The following HS3ST4 variants were observed in gnomAD, a reference collection of about 807,000 sequenced individuals.
HS3ST4 encodes the protein heparan sulfate-glucosamine 3-sulfotransferase 4, also known as heparan sulfate glucosamine 3-O-sulfotransferase 4.
A neutral mutation model predicts 29.2 loss-of-function variants in HS3ST4; 17 were observed. The observed-to-expected ratio is 0.58, with a 90% CI of 0.40 to 0.87. The LOEUF is 0.87. Among genes scored for constraint, HS3ST4 ranks in the 40% least tolerant of loss-of-function variants. HS3ST4 has a pLI of 0.00. For missense variants in HS3ST4, 627 were observed against 634.5 expected, an observed-to-expected ratio of 0.99 and a Z score of 0.13; for synonymous variants, 314 against 285.7, an observed-to-expected ratio of 1.10 and a Z score of -1.00.
intron 1 of HS3ST4, among the ~76,000 whole-genome samples, chr16:26,085,879 A>G (rs1898780614): frequency 3.5e-5 from 1 of 28,968 alleles, no homozygotes; most frequent in African/African-American, 1.2e-4. Flanking sequence ...GTCTCTTAAA[A>G]TAATAATAAT....
intron 1 of HS3ST4, among the ~76,000 whole-genome samples, chr16:25,771,898 T>C (rs1340105680): frequency 1.3e-5 from 2 of 152,226 alleles, no homozygotes; most frequent in African/African-American, 2.4e-5. Flanking sequence ...TGGCTTCTTA[T>C]CTTTCTGTTC....
chr16:26,093,864 GA>G (rs1898889181), intron 1 of HS3ST4, among the ~76,000 whole-genome samples: 2 of 152,138 alleles, frequency 1.3e-5, no homozygotes, highest in East Asian at 3.9e-4. Flanking sequence ...TAAAAACCTT[GA>G]AAAAAGGTTA....
At chr16:25,790,647 A>C (rs1462289530) in intron 1 of HS3ST4, among the ~76,000 whole-genome samples, 1 of 152,112 alleles carries the variant, frequency 6.6e-6, no homozygotes, top group African/African-American at 2.4e-5. Context: ...GATAAGATTG[A>C]CCACTCTTTC....
chr16:26,114,431 A>G (rs1899175512), intron 1 of HS3ST4, among the ~76,000 whole-genome samples: 1 of 152,200 alleles, frequency 6.6e-6, no homozygotes, highest in African/African-American at 2.4e-5. Flanking sequence ...CCCTGCAAAG[A>G]CACGTTATAG....
chr16:25,699,789 T>C (rs563656873), intron 1 of HS3ST4, among the ~76,000 whole-genome samples: 6 of 152,326 alleles, frequency 3.9e-5, no homozygotes, highest in African/African-American at 1.4e-4. Context: ...GACAAATTAC[T>C]TAATATAGCT....
At chr16:26,117,691 C>G (rs757962230) in intron 1 of HS3ST4, among the ~76,000 whole-genome samples, 1 of 152,208 alleles carries the variant, frequency 6.6e-6, no homozygotes, top group Non-Finnish European at 1.5e-5. Context: ...AGCCCAAGCC[C>G]TGCTTAGCAC....
intron 1 of HS3ST4, among the ~76,000 whole-genome samples, chr16:25,717,815 G>A (rs1348243051): frequency 6.6e-6 from 1 of 152,104 alleles, no homozygotes; most frequent in East Asian, 1.9e-4. Context: ...TCTTTGAAAT[G>A]ATCATCCTAA....
rs147798399 is a variant in HS3ST4 at position 26,026,197 on chromosome 16, G to A, written c.735-109415G>A. On this transcript the variant is annotated intron_variant, in intron 1 of 1. Transcript: ENST00000331351. ...GCTGGGATTACAGGCGTGAGCCACC[G>A]CACCCGGCCGGAAACAACATCGTTT... 2.2e-3 allele frequency among the ~76,000 whole-genome samples: 333 copies of A among 152,264 alleles called. 1 individual carries two copies. The highest frequency in any genetic ancestry group is 3.9e-3 in the Non-Finnish European group (262 of 68,016).
At chr16:25,954,529 G>A (rs967991255) in intron 1 of HS3ST4, among the ~76,000 whole-genome samples, 2 of 152,092 alleles carry the variant, frequency 1.3e-5, no homozygotes, top group African/African-American at 4.8e-5. Flanking sequence ...AAAAGAAAAA[G>A]AAGCCAAGAT....
At chr16:25,817,323 G>C (rs1454646330) in intron 1 of HS3ST4, among the ~76,000 whole-genome samples, 2 of 152,180 alleles carry the variant, frequency 1.3e-5, no homozygotes, top group African/African-American at 2.4e-5. Flanking sequence ...AAGATTCTTG[G>C]ACAGACTAGT....
At chr16:25,874,125 A>T (rs534417607) in intron 1 of HS3ST4, among the ~76,000 whole-genome samples, 1 of 152,124 alleles carries the variant, frequency 6.6e-6, no homozygotes, top group African/African-American at 2.4e-5. Flanking sequence ...CACTAAGGGC[A>T]TATTGTCTAA....
At chr16:25,851,414 T>C (rs1967520746) in intron 1 of HS3ST4, among the ~76,000 whole-genome samples, 1 of 152,206 alleles carries the variant, frequency 6.6e-6, no homozygotes. Context: ...GCCTTCCATT[T>C]GCCCTCTGTC....
At chr16:25,934,046 C>G (rs947604823) in intron 1 of HS3ST4, among the ~76,000 whole-genome samples, 2 of 152,222 alleles carry the variant, frequency 1.3e-5, no homozygotes, top group Non-Finnish European at 2.9e-5. Flanking sequence ...TCAGATGAGT[C>G]CTGAGACGCC....
At chr16:26,113,337 T>C (rs1899158194) in intron 1 of HS3ST4, among the ~76,000 whole-genome samples, 1 of 151,642 alleles carries the variant, frequency 6.6e-6, no homozygotes, top group African/African-American at 2.4e-5. Context: ...TCCCAGCTAC[T>C]TGGGAGGCTG....
At chr16:25,762,361 C>T (rs964719376) in intron 1 of HS3ST4, among the ~76,000 whole-genome samples, 2 of 152,082 alleles carry the variant, frequency 1.3e-5, no homozygotes, top group Non-Finnish European at 1.5e-5. Flanking sequence ...TGGAATTTCT[C>T]GCTGGAGAAG....
rs1459089571 is a variant in HS3ST4, at chr16:25,792,764, G to A, written c.734+99613G>A. The stretch of plus-strand genomic sequence containing the variant: ...TCAATTTTGTGTGTCTTTTCAAAGA[G>A]CCAACTTTTACTTCTTTGATTTTCC... On this transcript the variant is annotated intron_variant, in intron 1 of 1. Transcript: ENST00000331351. Among the ~76,000 whole-genome samples the A allele has an allele frequency of 3.3e-5, 5 of 151,604 alleles. No individual in the cohort carries two copies. In the South Asian group the frequency reaches 1.0e-3, roughly 31 times the overall value.
intron 1 of HS3ST4, among the ~76,000 whole-genome samples, chr16:26,049,991 C>T (rs550612350): frequency 6.6e-6 from 1 of 152,254 alleles, no homozygotes; most frequent in South Asian, 2.1e-4. Context: ...TGTCCATGAG[C>T]CCCCTGAACC....
In HS3ST4 at chr16:26,059,156, C is replaced by T. The variant is rs192082106; in HGVS notation, c.735-76456C>T. 1.2e-4 allele frequency among the ~76,000 whole-genome samples: 18 copies of T among 152,192 alleles called. No individual in the cohort carries two copies. The East Asian group carries it at 1.4e-3, about 11-fold the overall frequency. ...ACAGAACCTGGGACCTAGAAAAAGG[C>T]GATGGCAGAGTGGAGGCGAGGGAGA... is the stretch of plus-strand genomic sequence containing the variant. On this transcript the variant is annotated intron_variant, in intron 1 of 1. Transcript: ENST00000331351.
intron 1 of HS3ST4, among the ~76,000 whole-genome samples, chr16:26,008,291 A>G (rs955573352): frequency 6.6e-6 from 1 of 152,148 alleles, no homozygotes; most frequent in Non-Finnish European, 1.5e-5. Flanking sequence ...TTGGAGATTT[A>G]TTGGGGGGTG....
Sources: allele counts gnomAD v4.1 joint callset (sites outside exome capture counted in the v4.1 genomes callset), GRCh38; gene constraint gnomAD v4.1.1; transcripts MANE v1.5; gene names NCBI Gene and HGNC (gene_info 2026-07-23, HGNC 2026-07-21).